KLHL1: variants seen among roughly 807,000 people sequenced by gnomAD.
The protein encoded by KLHL1 is kelch-like protein 1.
KLHL1 carries 47 observed loss-of-function variants against 77.7 expected under a neutral mutation model. The ratio of observed to expected loss-of-function variants is 0.60; its 90% confidence interval spans 0.48 to 0.77. KLHL1 has a LOEUF of 0.77. Among genes scored for constraint, KLHL1 ranks in the 30% least tolerant of loss-of-function variants. The probability of loss-of-function intolerance (pLI) is 0.00; values close to 1 mark genes in which losing one functional copy is unlikely to be tolerated. For synonymous variants in KLHL1, 360 were observed against 325.2 expected, an observed-to-expected ratio of 1.11 and a Z score of -1.15; for missense variants, 925 against 910.8, an observed-to-expected ratio of 1.02 and a Z score of -0.20.
At chr13:69,910,576 G>C (rs928481432) in intron 4 of KLHL1, among the ~76,000 whole-genome samples, 1 of 151,790 alleles carries the variant, frequency 6.6e-6, no homozygotes, top group Non-Finnish European at 1.5e-5. Flanking sequence ...CTCAGATAAT[G>C]TTCTAGACTT....
At chr13:69,917,977 C>T (rs1157279486) in intron 4 of KLHL1, among the ~76,000 whole-genome samples, 2 of 152,084 alleles carry the variant, frequency 1.3e-5, no homozygotes, top group Non-Finnish European at 2.9e-5. Context: ...CTCCACAGCA[C>T]TGATTCCTAA....
At chr13:69,959,764 C>T (rs922316479) in intron 3 of KLHL1, among the ~76,000 whole-genome samples, 1 of 151,758 alleles carries the variant, frequency 6.6e-6, no homozygotes, top group African/African-American at 2.4e-5. Context: ...AGAAGACTAA[C>T]TTGGGTGAAC....
chr13:70,066,442 T>C (rs1289158602), intron 1 of KLHL1, among the ~76,000 whole-genome samples: 1 of 152,144 alleles, frequency 6.6e-6, no homozygotes, highest in African/African-American at 2.4e-5. Flanking sequence ...GGAGATAGAA[T>C]AAAAATTTTG....
chr13:69,934,666 G>T (rs975016297), intron 4 of KLHL1, among the ~76,000 whole-genome samples: 2 of 151,632 alleles, frequency 1.3e-5, no homozygotes, highest in Non-Finnish European at 2.9e-5. Context: ...TACACAATTG[G>T]TTCTGCCTAG....
chr13:69,838,918 A>G lies in KLHL1; in HGVS notation c.1414+58T>C, dbSNP rs143780669. The G allele has an allele frequency of 3.5e-4, 399 of 1,155,432 alleles. 1 individual carries two copies. Among genetic ancestry groups the G allele is most frequent in the Non-Finnish European group, 4.5e-4 (382 of 853,478 alleles). The allele number at this position is 1,155,432 out of a possible 1,614,324, so 71.6% of individuals were successfully genotyped here. ...TTTGTAGTATCACCATTACAATATA[A>G]AAGCTGCAACACGGTATAACACAGG... On this transcript the variant is annotated intron_variant, in intron 6 of 10. Transcript: ENST00000377844.
At chr13:69,753,709 A>G (rs1874583161) in intron 7 of KLHL1, among the ~76,000 whole-genome samples, 1 of 152,180 alleles carries the variant, frequency 6.6e-6, no homozygotes, top group Non-Finnish European at 1.5e-5. Context: ...ATGTCTAGGC[A>G]ATTGTCCTAC....
At chr13:70,016,654 G>C (rs1385341170) in intron 1 of KLHL1, among the ~76,000 whole-genome samples, 2 of 152,148 alleles carry the variant, frequency 1.3e-5, no homozygotes, top group Non-Finnish European at 2.9e-5. Context: ...CTCAGCACAG[G>C]CCTGCAGGTG....
chr13:69,893,313 C>T (rs990581264), intron 4 of KLHL1, among the ~76,000 whole-genome samples: 1 of 150,556 alleles, frequency 6.6e-6, no homozygotes, highest in Non-Finnish European at 1.5e-5. Context: ...CGGCTCACTG[C>T]AAGCTCCGCT....
chr13:69,870,806 A>C (rs1252883477), intron 5 of KLHL1, among the ~76,000 whole-genome samples: 7 of 151,790 alleles, frequency 4.6e-5, no homozygotes, highest in Non-Finnish European at 1.0e-4. Flanking sequence ...ATCTCCTGTA[A>C]CTCTATGTCC....
At chr13:69,999,743 C>T (rs1885241682) in intron 1 of KLHL1, among the ~76,000 whole-genome samples, 1 of 152,044 alleles carries the variant, frequency 6.6e-6, no homozygotes, top group Non-Finnish European at 1.5e-5. Context: ...TTGGCTCACC[C>T]TAGCAGGTAA....
At chr13:69,869,828 A>G (rs1362635326) in intron 5 of KLHL1, among the ~76,000 whole-genome samples, 2 of 152,224 alleles carry the variant, frequency 1.3e-5, no homozygotes, top group African/African-American at 4.8e-5. Flanking sequence ...CAGAAGTTGT[A>G]AACTAATTTT....
chr13:69,745,195 T>C lies in KLHL1; in HGVS notation c.1640-4639A>G, dbSNP rs573682202. ...CCCATCATTCTGTTAGTTTTCACCATGCTGATGACTGGTAAAACTAAGCAT... is the reference window on the plus strand; with the variant it reads ...CCCATCATTCTGTTAGTTTTCACCACGCTGATGACTGGTAAAACTAAGCAT... On this transcript the variant is annotated intron_variant, in intron 7 of 10. Transcript: ENST00000377844. 2.7e-3 allele frequency among the ~76,000 whole-genome samples: 415 copies of C among 152,176 alleles called. 3 individuals are homozygous for C. The highest frequency in any genetic ancestry group is 9.6e-3 in the African/African-American group (399 of 41,562).
intron 1 of KLHL1, among the ~76,000 whole-genome samples, chr13:70,064,519 G>A (rs776444352): frequency 3.3e-5 from 5 of 152,098 alleles, no homozygotes; most frequent in South Asian, 2.1e-4. Flanking sequence ...GCTGCTTCAC[G>A]TTAGCTCCTT....
intron 7 of KLHL1, among the ~76,000 whole-genome samples, chr13:69,786,525 C>A (rs1044186628): frequency 2.6e-5 from 4 of 152,100 alleles, no homozygotes; most frequent in African/African-American, 4.8e-5. Flanking sequence ...TAAGGGCTAT[C>A]TATGACAAAC....
chr13:69,835,823 G>T (rs1011192913), intron 6 of KLHL1, among the ~76,000 whole-genome samples: 4 of 150,784 alleles, frequency 2.7e-5, no homozygotes, highest in Admixed American at 2.0e-4. Flanking sequence ...TGGACAGAAT[G>T]AAAAAAAATA....
intron 1 of KLHL1, among the ~76,000 whole-genome samples, chr13:70,038,189 C>T (rs1219528803): frequency 1.3e-5 from 2 of 152,200 alleles, no homozygotes; most frequent in African/African-American, 4.8e-5. Context: ...ATAGTTTTCA[C>T]TCAGCATTAT....
intron 1 of KLHL1, among the ~76,000 whole-genome samples, chr13:70,060,873 T>G (rs180869015): frequency 6.6e-6 from 1 of 151,754 alleles, no homozygotes; most frequent in African/African-American, 2.4e-5. Flanking sequence ...GTGGTATATA[T>G]AAACAATAGA....
At position 69,975,878 on chromosome 13, in the gene KLHL1, A is replaced by G. The variant is rs537835427; in HGVS notation, c.498-76T>C. ...TAAAGAGCCAATTATCTAGAATAAC[A>G]TACAGGTTTTTATCATTTTCTTAAG... On this transcript the variant is annotated intron_variant, in intron 1 of 10. Transcript: ENST00000377844. 4.7e-4 allele frequency: 661 copies of G among 1,418,314 alleles called. 5 individuals are homozygous for G. In the South Asian group the frequency reaches 9.7e-3, roughly 21 times the overall value. The allele number at this position is 1,418,314 out of a possible 1,614,324, so 87.9% of individuals were successfully genotyped here.
At chr13:70,020,087 C>T (rs1257647000) in intron 1 of KLHL1, among the ~76,000 whole-genome samples, 1 of 152,096 alleles carries the variant, frequency 6.6e-6, no homozygotes, top group African/African-American at 2.4e-5. Flanking sequence ...TCACAGCCTT[C>T]ATAAATGTGA....
Sources: allele counts gnomAD v4.1 joint callset (sites outside exome capture counted in the v4.1 genomes callset), GRCh38; gene constraint gnomAD v4.1.1; transcripts MANE v1.5; gene names NCBI Gene and HGNC (gene_info 2026-07-23, HGNC 2026-07-21).